Variants in POU2F1 observed in about 807,000 individuals in gnomAD.
The protein encoded by POU2F1 is POU class 2 homeobox 1, also known as POU domain, class 2, transcription factor 1.
A neutral mutation model predicts 84.9 loss-of-function variants in POU2F1; 16 were observed. The ratio of observed to expected loss-of-function variants is 0.19; its 90% confidence interval spans 0.13 to 0.29. The LOEUF is 0.29. POU2F1 is among the 10% of genes least tolerant of loss of function. POU2F1 has a pLI of 1.00. For synonymous variants in POU2F1, 368 were observed against 368.3 expected (o/e 1.00, Z 0.01); for missense variants, 738 against 942.6 (o/e 0.78, Z 2.84).
At chr1:167,254,779 A>G (rs1557848597) in intron 1 of POU2F1, among the ~76,000 whole-genome samples, 1 of 152,202 alleles carries the variant, frequency 6.6e-6, no homozygotes, top group Non-Finnish European at 1.5e-5. Context: ...TCTTGAAAAA[A>G]TATTTAGCTA....
intron 6 of POU2F1, among the ~76,000 whole-genome samples, chr1:167,374,886 T>G (rs1007443534): frequency 5.9e-5 from 9 of 152,228 alleles, no homozygotes; most frequent in African/African-American, 2.2e-4. Flanking sequence ...GCTAACACGG[T>G]GAAACCCCAT....
At chr1:167,303,577 A>G (rs1022423243) in intron 1 of POU2F1, 1 of 153,854 alleles carries the variant, frequency 6.5e-6, no homozygotes, top group African/African-American at 2.4e-5. Context: ...TATACCTGGT[A>G]AATATTTTCT....
intron 1 of POU2F1, among the ~76,000 whole-genome samples, chr1:167,307,108 A>G (rs911178265): frequency 2.6e-5 from 4 of 152,178 alleles, no homozygotes; most frequent in Admixed American, 6.5e-5. Flanking sequence ...ATTTTATTTT[A>G]AATTAACTAA....
chr1:167,377,782 T>TC (rs1660427612), intron 7 of POU2F1, among the ~76,000 whole-genome samples: 2 of 152,208 alleles, frequency 1.3e-5, no homozygotes, highest in South Asian at 4.1e-4. Flanking sequence ...ATAGGCATAA[T>TC]ACCTGATAGG....
chr1:167,331,227 T>C (rs935019812), intron 1 of POU2F1, among the ~76,000 whole-genome samples: 2 of 152,084 alleles, frequency 1.3e-5, no homozygotes, highest in Non-Finnish European at 1.5e-5. Context: ...AAACTTTTAC[T>C]GTATTGGAAA....
chr1:167,371,578 T>C (rs1660001085), intron 4 of POU2F1, among the ~76,000 whole-genome samples: 1 of 152,172 alleles, frequency 6.6e-6, no homozygotes, highest in African/African-American at 2.4e-5. Flanking sequence ...AAAATATTGG[T>C]TTGGAAGGTC....
intron 1 of POU2F1, among the ~76,000 whole-genome samples, chr1:167,226,403 G>A (rs921373144): frequency 2.6e-5 from 4 of 152,086 alleles, no homozygotes; most frequent in Non-Finnish European, 5.9e-5. Flanking sequence ...TGCATCTTTC[G>A]CTGGACATTT....
intron 1 of POU2F1, among the ~76,000 whole-genome samples, chr1:167,288,900 C>A (rs943340098): frequency 1.2e-4 from 18 of 152,088 alleles, no homozygotes; most frequent in Admixed American, 1.2e-3. Context: ...TATTTGAGAA[C>A]CTGTGCTAAT....
chr1:167,237,092 G>T (rs1649515763), intron 1 of POU2F1, among the ~76,000 whole-genome samples: 4 of 152,180 alleles, frequency 2.6e-5, no homozygotes, highest in Non-Finnish European at 5.9e-5. Context: ...CAATAAGGAG[G>T]AAGGTATCTA....
In POU2F1 at chr1:167,385,383, T is replaced by G. The variant is rs569648942; in HGVS notation, c.813+1432T>G. On this transcript the variant is annotated intron_variant, in intron 8 of 15. Coordinates refer to ENST00000367866, the MANE Select transcript of POU2F1 (RefSeq NM_002697.4). The stretch of plus-strand genomic sequence containing the variant: ...AAAACACAGAATAACCAAACGATTT[T>G]GAGAAGAAAATTGAAGGACTACTGA... Among the ~76,000 whole-genome samples the G allele has an allele frequency of 2.0e-5, 3 of 152,224 alleles. No individual in the cohort carries two copies. In the South Asian group the frequency reaches 6.2e-4, roughly 32 times the overall value.
intron 1 of POU2F1, among the ~76,000 whole-genome samples, chr1:167,235,280 C>G (rs535779911): frequency 6.6e-6 from 1 of 152,140 alleles, no homozygotes; most frequent in African/African-American, 2.4e-5. Flanking sequence ...ATGCTCTGGC[C>G]AAGGAGAGTG....
intron 8 of POU2F1, among the ~76,000 whole-genome samples, chr1:167,386,569 A>G (rs1479854990): frequency 6.6e-6 from 1 of 152,250 alleles, no homozygotes; most frequent in Non-Finnish European, 1.5e-5. Context: ...CGTCCACACA[A>G]AGACTTGTAT....
intron 1 of POU2F1, among the ~76,000 whole-genome samples, chr1:167,305,214 A>ATC (rs1470955462): frequency 6.7e-6 from 1 of 149,820 alleles, no homozygotes; most frequent in African/African-American, 2.5e-5. Context: ...TTTAAACAGG[A>ATC]TCTCTCTCTG....
intron 13 of POU2F1, among the ~76,000 whole-genome samples, chr1:167,405,549 G>A (rs1405140263): frequency 2.0e-5 from 3 of 151,934 alleles, no homozygotes; most frequent in Non-Finnish European, 4.4e-5. Context: ...TTAGCCAGGC[G>A]TGGTGGCACG....
At chr1:167,354,897 C>T (rs529931973) in intron 2 of POU2F1, among the ~76,000 whole-genome samples, 3 of 152,214 alleles carry the variant, frequency 2.0e-5, no homozygotes, top group South Asian at 4.1e-4. Flanking sequence ...CTTATTGACT[C>T]ATAGGAGTTC....
chr1:167,369,772 ATAAAGAATG>A (rs1486171602), intron 3 of POU2F1, among the ~76,000 whole-genome samples: 4 of 152,210 alleles, frequency 2.6e-5, no homozygotes, highest in Admixed American at 2.6e-4. Context: ...GTTTCTAATA[ATAAAGAATG>A]TATATAGATA....
At position 167,361,415 on chromosome 1, in the gene POU2F1, T is replaced by C. The variant is rs139690965; in HGVS notation, c.128-4052T>C. 3.9e-5 allele frequency among the ~76,000 whole-genome samples: 6 copies of C among 152,312 alleles called. No homozygotes were observed. The East Asian group carries it at 1.2e-3, about 29-fold the overall frequency. On this transcript the variant is annotated intron_variant, in intron 2 of 15. Transcript: ENST00000367866. ...TTAGATTTTATTGAATGCTTTTTTC[T>C]GGTTCTATTGTGATGATCATATGGT...
chr1:167,395,703 C>G (rs1365316033), intron 9 of POU2F1, among the ~76,000 whole-genome samples: 1 of 152,084 alleles, frequency 6.6e-6, no homozygotes, highest in Non-Finnish European at 1.5e-5. Flanking sequence ...CTCCTGGGCT[C>G]AAGCGATCCT....
At position 167,415,753 on chromosome 1, in the gene POU2F1, A is replaced by G; in HGVS notation, c.2244A>G (p.Thr748=). ...AGTCCATCCAGAACTCTCTCTTCAC[A>G]GTGGCCTCTGCCAGCGGGGCTGCGT... ...SAESIQNSLF[T]VASASGAAST... The change falls in exon 16 of 16, where the codon ACA becomes ACG. Residue 748 remains threonine, a synonymous_variant. Transcript: ENST00000367866. 6.2e-7 allele frequency: 1 copy of G among 1,614,162 alleles called. No individual in the cohort carries two copies. Among genetic ancestry groups the G allele is most frequent in the Non-Finnish European group, 8.5e-7 (1 of 1,180,028 alleles).
Sources: gnomAD v4.1 joint callset for allele counts (sites outside exome capture counted in the v4.1 genomes callset) on GRCh38, gnomAD v4.1.1 for gene constraint, MANE v1.5 for transcripts, NCBI Gene and HGNC (gene_info 2026-07-23, HGNC 2026-07-21) for gene names.